Variants in PSMF1 observed in about 807,000 individuals in gnomAD.
The protein encoded by PSMF1 is proteasome inhibitor subunit 1.
A neutral mutation model predicts 29.3 loss-of-function variants in PSMF1; 30 were observed. The observed-to-expected ratio is 1.02, with a 90% CI of 0.77 to 1.39. The LOEUF (loss-of-function observed/expected upper bound fraction) is 1.39, where lower values mean the gene tolerates loss of function less well. PSMF1 is among the 40% of genes most tolerant of loss of function. The pLI is 0.00. For missense variants in PSMF1, 344 were observed against 357.5 expected, an observed-to-expected ratio of 0.96 and a Z score of 0.31; for synonymous variants, 134 against 139.7, an observed-to-expected ratio of 0.96 and a Z score of 0.29.
chr20:1,133,569 A>ATTTTT (rs1217034678), intron 3 of PSMF1, among the ~76,000 whole-genome samples: 3 of 53,282 alleles, frequency 5.6e-5, no homozygotes, highest in South Asian at 6.8e-4. Flanking sequence ...ATATATATAT[A>ATTTTT]TTTTTTTTTT....
At chr20:1,131,457 G>A (rs887166882) in intron 3 of PSMF1, among the ~76,000 whole-genome samples, 7 of 152,216 alleles carry the variant, frequency 4.6e-5, no homozygotes, top group African/African-American at 1.4e-4. Context: ...AGCACATAGA[G>A]TGCTTAGCGC....
At chr20:1,115,916 A>G (rs908923438), upstream of PSMF1, among the ~76,000 whole-genome samples, 1 of 151,900 alleles carries the variant, frequency 6.6e-6, no homozygotes, top group Non-Finnish European at 1.5e-5. Context: ...TATTTTTAGT[A>G]GAGACAGGGT....
chr20:1,129,819 G>A (rs147086314), intron 3 of PSMF1, among the ~76,000 whole-genome samples: 11 of 152,282 alleles, frequency 7.2e-5, no homozygotes, highest in East Asian at 3.9e-4. Context: ...GTCCACTTCC[G>A]GGCATATACC....
At chr20:1,147,056 T>C (rs991373710) in intron 4 of PSMF1, among the ~76,000 whole-genome samples, 3 of 151,972 alleles carry the variant, frequency 2.0e-5, no homozygotes, top group Non-Finnish European at 2.9e-5. Flanking sequence ...GAGGATTAGG[T>C]GTGAGAGTGT....
intron 4 of PSMF1, among the ~76,000 whole-genome samples, chr20:1,160,176 A>C (rs995167825): frequency 6.6e-6 from 1 of 152,040 alleles, no homozygotes; most frequent in Admixed American, 6.6e-5. Flanking sequence ...TTCTGGTTGT[A>C]ATTATACATA....
intron 3 of PSMF1, among the ~76,000 whole-genome samples, chr20:1,131,154 G>A (rs1568467757): frequency 6.6e-6 from 1 of 152,210 alleles, no homozygotes; most frequent in Non-Finnish European, 1.5e-5. Context: ...TTTGGAGTGT[G>A]GTCTCTTGAC....
In PSMF1 at chr20:1,168,522, T is replaced by A. The variant is rs548874998; in HGVS notation, c.*3442T>A. 8.7e-4 allele frequency: 133 copies of A among 152,420 alleles called. No individual in the cohort carries two copies. The highest frequency in any genetic ancestry group is 3.1e-3 in the African/African-American group (127 of 41,564). 9.4% of individuals were successfully genotyped at this position (152,420 alleles called of 1,614,324 possible). ...TTTCTTACTGCATTCATCTCCTCAG[T>A]CATAAGTGTCTGTCAACCTCCGTTG... is the stretch of plus-strand genomic sequence containing the variant. On this transcript the variant is annotated 3_prime_UTR_variant, in exon 7 of 7. Coordinates refer to ENST00000335877, the MANE Select transcript of PSMF1 (RefSeq NM_006814.5).
Position 1,169,159 on chromosome 20 carries a change from C to T in PSMF1, c.*4079C>T, listed in dbSNP as rs981637401. Among the ~76,000 whole-genome samples the T allele has an allele frequency of 2.6e-5, 4 of 152,036 alleles. No individual in the cohort carries two copies. Among genetic ancestry groups the T allele is most frequent in the Non-Finnish European group, 4.4e-5 (3 of 68,020 alleles). On this transcript the variant is annotated 3_prime_UTR_variant, in exon 7 of 7. Transcript: ENST00000335877. ...CTGCATCTGAACCCCAGGACTAATGCGTCACTGCATTAACCCCAGGACACA... is the reference window on the plus strand; with the variant it reads ...CTGCATCTGAACCCCAGGACTAATGTGTCACTGCATTAACCCCAGGACACA...
Position 1,164,622 on chromosome 20 carries a change from C to T in PSMF1, c.764+146C>T. On this transcript the variant is annotated intron_variant, in intron 6 of 6. Transcript: ENST00000335877. This position sits in a 1 kb window ranked among gnomAD's most constrained non-coding sequence, Gnocchi z 4.1. Reference sequence around the variant, plus strand: ...AGGAGAGTGGAGCCTCCTCCAGGGCCCTGCCTGATTTCTCCCTGGAGCCTT... The same window carrying T: ...AGGAGAGTGGAGCCTCCTCCAGGGCTCTGCCTGATTTCTCCCTGGAGCCTT... The T allele has an allele frequency of 8.9e-7, 1 of 1,122,932 alleles. No individual in the cohort carries two copies. The highest frequency in any genetic ancestry group is 1.6e-5 in the African/African-American group (1 of 63,936). The allele number at this position is 1,122,932 out of a possible 1,614,324, so 69.6% of individuals were successfully genotyped here.
chr20:1,158,041 A>G (rs1296661029), intron 4 of PSMF1, among the ~76,000 whole-genome samples: 1 of 152,160 alleles, frequency 6.6e-6, no homozygotes, highest in African/African-American at 2.4e-5. Flanking sequence ...TTAAAGGTAG[A>G]GGAGCCCAAA....
In PSMF1 at chr20:1,165,432, T is replaced by C; in HGVS notation, c.*352T>C. ...TAAGAACAGAACGCATTTTGGATGT[T>C]ATTATTAAGAACCAAATGTCAATAC... On this transcript the variant is annotated 3_prime_UTR_variant, in exon 7 of 7. Coordinates refer to ENST00000335877, the MANE Select transcript of PSMF1 (RefSeq NM_006814.5). 8 of 1,106,692 alleles carry C rather than the reference T, an allele frequency of 7.2e-6. No individual in the cohort carries two copies. Among genetic ancestry groups the C allele is most frequent in the Non-Finnish European group, 8.8e-6 (8 of 906,812 alleles). The allele number at this position is 1,106,692 out of a possible 1,614,324, so 68.6% of individuals were successfully genotyped here. A position where few individuals can be genotyped will look rare whatever the true frequency, so the allele number is the denominator to read the frequency against.
At position 1,163,196 on chromosome 20, in the gene PSMF1, G is replaced by A; in HGVS notation, c.605+13G>A. ...TAGACCCTTTTGGGTGAGTACTGCT[G>A]GGGAGGTGGCAGCAACACAACTTGC... On this transcript the variant is annotated intron_variant, in intron 5 of 6. Coordinates refer to ENST00000335877, the MANE Select transcript of PSMF1 (RefSeq NM_006814.5). The surrounding 1 kb of genome is among the most constrained non-coding windows in gnomAD (Gnocchi z 6.1). 1 of 1,613,900 alleles carries A rather than the reference G, an allele frequency of 6.2e-7. No individual in the cohort carries two copies. The highest frequency in any genetic ancestry group is 8.5e-7 in the Non-Finnish European group (1 of 1,179,866).
intron 4 of PSMF1, among the ~76,000 whole-genome samples, chr20:1,147,179 C>CCAT: frequency 7.9e-6 from 1 of 126,098 alleles, no homozygotes; most frequent in South Asian, 2.6e-4. Context: ...ATCATCATCA[C>CCAT]CACCCTGTGT....
At chr20:1,118,490 C>T (rs1477891155), upstream of PSMF1, 1 of 298,954 alleles carries the variant, frequency 3.3e-6, no homozygotes, top group African/African-American at 2.2e-5. Flanking sequence ...CGGCTTCCGG[C>T]TTTGAGGGGC....
At chr20:1,161,484 A>G (rs1369829447) in intron 4 of PSMF1, 7 of 510,714 alleles carry the variant, frequency 1.4e-5, no homozygotes, top group Middle Eastern at 3.9e-4. Context: ...TGGCACCACC[A>G]TGTACCCAAG....
intron 4 of PSMF1, among the ~76,000 whole-genome samples, chr20:1,144,037 G>A (rs1011404814): frequency 7.9e-5 from 12 of 152,124 alleles, no homozygotes; most frequent in Non-Finnish European, 8.8e-5. Context: ...GCAGTGAGCC[G>A]AGATGGCACC....
intron 4 of PSMF1, among the ~76,000 whole-genome samples, chr20:1,144,093 A>G (rs2086418217): frequency 6.6e-6 from 1 of 152,138 alleles, no homozygotes; most frequent in Non-Finnish European, 1.5e-5. Flanking sequence ...GTCCCCCCCA[A>G]AAAAAGAAAA....
rs374912119 is a variant in PSMF1, at chr20:1,158,547, A to G, written c.552-4583A>G. Reference sequence around the variant, plus strand: ...CAGCCATTAGAAGGGTGTCAGCTGGATTTGTGTGCCCAACGAGGTGTGTTG... The same window carrying G: ...CAGCCATTAGAAGGGTGTCAGCTGGGTTTGTGTGCCCAACGAGGTGTGTTG... On this transcript the variant is annotated intron_variant, in intron 4 of 6. Coordinates refer to ENST00000335877, the MANE Select transcript of PSMF1 (RefSeq NM_006814.5). Among the ~76,000 whole-genome samples the G allele has an allele frequency of 1.3e-3, 200 of 152,304 alleles. 1 individual carries two copies. The highest frequency in any genetic ancestry group is 4.5e-3 in the African/African-American group (185 of 41,566).
chr20:1,139,658 C>T (rs570631898), intron 4 of PSMF1, among the ~76,000 whole-genome samples: 17 of 151,124 alleles, frequency 1.1e-4, no homozygotes, highest in South Asian at 6.3e-4. Flanking sequence ...GGCAGGAGAA[C>T]GGCGTGAACC....
Sources: gnomAD v4.1 joint callset for allele counts (sites outside exome capture counted in the v4.1 genomes callset) on GRCh38, gnomAD v4.1.1 for gene constraint, Gnocchi (gnomAD v3.1) non-coding constraint, MANE v1.5 for transcripts, NCBI Gene and HGNC (gene_info 2026-07-23, HGNC 2026-07-21) for gene names.